Variants in FRMD6 observed in about 807,000 individuals in gnomAD.
The protein encoded by FRMD6 is FERM domain-containing protein 6.
In FRMD6, 37 loss-of-function variants were observed where a neutral mutation model predicts 73.2. The observed-to-expected ratio is 0.51, with a 90% CI of 0.39 to 0.66. FRMD6 has a LOEUF of 0.66. Among genes scored for constraint, FRMD6 ranks in the 30% least tolerant of loss-of-function variants. The pLI, the probability that FRMD6 is intolerant of heterozygous loss-of-function variation, is 0.00. For missense variants in FRMD6, 714 were observed against 780.5 expected, an observed-to-expected ratio of 0.91 and a Z score of 1.02; for synonymous variants, 273 against 282.2, an observed-to-expected ratio of 0.97 and a Z score of 0.33.
intron 2 of FRMD6, among the ~76,000 whole-genome samples, chr14:51,640,157 T>A (rs1320527402): frequency 2.0e-5 from 3 of 152,184 alleles, no homozygotes; most frequent in Non-Finnish European, 4.4e-5. Flanking sequence ...CCTTCCCCAA[T>A]CTGAATTAGA....
chr14:51,466,937 A>T, the FRMD6 span, among the ~76,000 whole-genome samples: 27 of 152,104 alleles, frequency 1.8e-4, no homozygotes, highest in Non-Finnish European at 2.1e-4. Flanking sequence ...TTTAGTGTAA[A>T]AGTCTCAAAA....
At chr14:51,498,010 C>A (rs1883402111) in intron 1 of FRMD6, among the ~76,000 whole-genome samples, 1 of 152,154 alleles carries the variant, frequency 6.6e-6, no homozygotes, top group Non-Finnish European at 1.5e-5. Flanking sequence ...CCTTTGCCAG[C>A]TGGAGAAAAT....
At chr14:51,521,773 G>A (rs1884968582) in intron 1 of FRMD6, among the ~76,000 whole-genome samples, 1 of 151,036 alleles carries the variant, frequency 6.6e-6, no homozygotes, top group South Asian at 2.1e-4. Context: ...TCATGCAGGA[G>A]GCTTAATACA....
chr14:51,658,926 A>C (rs929898567), intron 1 of FRMD6, among the ~76,000 whole-genome samples: 4 of 152,200 alleles, frequency 2.6e-5, no homozygotes, highest in Admixed American at 6.6e-5. Context: ...TATATATCCT[A>C]CCCGAATAAG....
the FRMD6 span, among the ~76,000 whole-genome samples, chr14:51,418,730 TA>T: frequency 1.3e-5 from 2 of 152,254 alleles, no homozygotes; most frequent in African/African-American, 4.8e-5. Context: ...CAGGGACGTT[TA>T]AGTCTGGAGA....
At chr14:51,437,342 G>T in the FRMD6 span, among the ~76,000 whole-genome samples, 1 of 152,068 alleles carries the variant, frequency 6.6e-6, no homozygotes, top group African/African-American at 2.4e-5. Flanking sequence ...TCGCTCTGTC[G>T]CCCAAGCTGG....
At chr14:51,552,318 T>A (rs976817902) in intron 1 of FRMD6, among the ~76,000 whole-genome samples, 6 of 152,272 alleles carry the variant, frequency 3.9e-5, no homozygotes, top group Non-Finnish European at 5.9e-5. Flanking sequence ...TGGACTAATT[T>A]AAGCCTGCAA....
chr14:51,398,976 T>C, the FRMD6 span, among the ~76,000 whole-genome samples: 9,547 of 152,172 alleles, frequency 0.063, 911 homozygotes, highest in African/African-American at 0.21. Flanking sequence ...GATCGGGCCC[T>C]AGCCTGATGC....
chr14:51,591,267 G>A (rs1363789527), intron 2 of FRMD6, among the ~76,000 whole-genome samples: 2 of 151,566 alleles, frequency 1.3e-5, no homozygotes, highest in Admixed American at 1.3e-4. Flanking sequence ...AGTGATGCTG[G>A]CAGAAAACAA....
Position 51,597,382 on chromosome 14 carries a change from G to A in FRMD6, c.-147+26972G>A, listed in dbSNP as rs370687668. 4.9e-4 allele frequency among the ~76,000 whole-genome samples: 74 copies of A among 152,306 alleles called. No homozygotes were observed. The South Asian group carries it at 0.015, about 30-fold the overall frequency. On this transcript the variant is annotated intron_variant, in intron 2 of 14. Transcript: ENST00000356218. Reference sequence around the variant, plus strand: ...TCGCTCCCTGGAGGAGACAGCATCCGCCCTTCATTTTGAAGGCTATATAGG... The same window carrying A: ...TCGCTCCCTGGAGGAGACAGCATCCACCCTTCATTTTGAAGGCTATATAGG...
At chr14:51,667,391 A>G (rs1264749664) in intron 1 of FRMD6, among the ~76,000 whole-genome samples, 1 of 152,220 alleles carries the variant, frequency 6.6e-6, no homozygotes, top group Non-Finnish European at 1.5e-5. Flanking sequence ...TATCCTGAAA[A>G]AAACTCGGCA....
chr14:51,588,799 G>T (rs1436955983), intron 2 of FRMD6, among the ~76,000 whole-genome samples: 1 of 152,158 alleles, frequency 6.6e-6, no homozygotes, highest in African/African-American at 2.4e-5. Context: ...TCATGGGAAG[G>T]CCAGAGAATC....
chr14:51,704,599 CTACAACCGCTTCCTTTTCAG>C (rs2140469511), intron 5 of FRMD6, 130 bp from the exon 6 acceptor site: 1 of 631,596 alleles, frequency 1.6e-6, no homozygotes, highest in East Asian at 2.7e-5. Flanking sequence ...CAGATATTAG[CTACAACCGCTTCCTTTTCAG>C]TGAGGTGGGA....
chr14:51,562,160 C>T (rs766795925), intron 1 of FRMD6, among the ~76,000 whole-genome samples: 20 of 152,160 alleles, frequency 1.3e-4, no homozygotes, highest in Non-Finnish European at 2.8e-4. Context: ...CATCTTTCAC[C>T]CCCACATTTC....
chr14:51,630,478 A>G (rs543038719), intron 2 of FRMD6, among the ~76,000 whole-genome samples: 2 of 152,222 alleles, frequency 1.3e-5, no homozygotes, highest in Non-Finnish European at 1.5e-5. Context: ...GGTTGAGTGC[A>G]GTGGCTCATG....
chr14:51,636,708 G>T (rs140976884), intron 2 of FRMD6, among the ~76,000 whole-genome samples: 37 of 152,288 alleles, frequency 2.4e-4, no homozygotes, highest in African/African-American at 8.7e-4. Flanking sequence ...ACCCCTTAAA[G>T]GTCTTCGTTG....
intron 4 of FRMD6, among the ~76,000 whole-genome samples, chr14:51,702,307 G>A (rs1043791080): frequency 2.6e-5 from 4 of 151,882 alleles, no homozygotes; most frequent in South Asian, 2.1e-4. Context: ...GCCCTGTTTC[G>A]CTTTATAACT....
intron 1 of FRMD6, among the ~76,000 whole-genome samples, chr14:51,540,020 T>G (rs186154966): frequency 6.6e-6 from 1 of 152,354 alleles, no homozygotes; most frequent in East Asian, 1.9e-4. Context: ...TTAAAAAGAA[T>G]GCTTTAGAGC....
Position 51,729,661 on chromosome 14 carries a change from G to A in FRMD6, c.*1632G>A, listed in dbSNP as rs567753390. The A allele has an allele frequency of 5.9e-5, 9 of 152,564 alleles. No homozygotes were observed. The highest frequency in any genetic ancestry group is 8.8e-5 in the Non-Finnish European group (6 of 68,002). The allele number at this position is 152,564 out of a possible 1,614,324, so 9.5% of individuals were successfully genotyped here. On this transcript the variant is annotated 3_prime_UTR_variant, in exon 14 of 14. Coordinates refer to ENST00000344768, the MANE Select transcript of FRMD6 (RefSeq NM_001267046.2). ...ATACAAAATTATGTTTTCAGGTAAC[G>A]AAATAGATGTAGGGTACAGTGGAAC...
Sources: gnomAD v4.1 joint callset for allele counts (sites outside exome capture counted in the v4.1 genomes callset) on GRCh38, gnomAD v4.1.1 for gene constraint, MANE v1.5 for transcripts, NCBI Gene and HGNC (gene_info 2026-07-23, HGNC 2026-07-21) for gene names.